Variants in GNB1 observed in about 807,000 individuals in gnomAD.
GNB1 encodes the protein guanine nucleotide-binding protein G(I)/G(S)/G(T) subunit beta-1.
GNB1 carries 2 observed loss-of-function variants against 42.9 expected under a neutral mutation model. The ratio of observed to expected loss-of-function variants is 0.05; its 90% CI spans 0.02 to 0.15. The LOEUF (loss-of-function observed/expected upper bound fraction) is 0.15, where lower values mean the gene tolerates loss of function less well. GNB1 is among the 10% of genes least tolerant of loss of function. GNB1 has a pLI of 1.00. For missense variants in GNB1, 193 were observed against 462.2 expected (o/e 0.42, Z 5.34); for synonymous variants, 183 against 174.7 (o/e 1.05, Z -0.38).
At chr1:1,812,316 T>C (rs948561208) in intron 5 of GNB1, among the ~76,000 whole-genome samples, 3 of 151,080 alleles carry the variant, frequency 2.0e-5, no homozygotes, top group Non-Finnish European at 4.4e-5. Flanking sequence ...CTGCACATTG[T>C]GCACATGTAC....
chr1:1,804,375 T>G, intron 7 of GNB1, 44 bp downstream of exon 7: 1 of 1,425,456 alleles, frequency 7.0e-7, no homozygotes, highest in Non-Finnish European at 9.9e-7. Flanking sequence ...GTACCCCAGG[T>G]AAACAGCTTG....
At position 1,786,131 on chromosome 1, in the gene GNB1, C is replaced by T. The variant is rs912745142; in HGVS notation, c.*932G>A. On this transcript the variant is annotated 3_prime_UTR_variant, in exon 12 of 12. Transcript: ENST00000378609. ...ACATTGATTTGTACATTGTTTCATA[C>T]ACAAATAATTGACTGACTATCCAAG... 5.0e-6 allele frequency: 2 copies of T among 398,592 alleles called. No individual in the cohort carries two copies. Among genetic ancestry groups the T allele is most frequent in the Non-Finnish European group, 8.8e-6 (2 of 226,022 alleles). 24.7% of individuals were successfully genotyped at this position (398,592 alleles called of 1,614,324 possible). A position where few individuals can be genotyped will look rare whatever the true frequency, so the allele number is the denominator to read the frequency against.
intron 1 of GNB1, among the ~76,000 whole-genome samples, chr1:1,888,584 T>TTA (rs1650288393): frequency 2.0e-5 from 3 of 152,174 alleles, no homozygotes; most frequent in Admixed American, 6.5e-5. Flanking sequence ...ACGCTCGTAA[T>TTA]CCCAGCACTT....
At chr1:1,872,183 T>C (rs1173890293) in intron 1 of GNB1, among the ~76,000 whole-genome samples, 1 of 151,994 alleles carries the variant, frequency 6.6e-6, no homozygotes, top group Non-Finnish European at 1.5e-5. Context: ...TTCTTTTAAG[T>C]AGAGACAGAG....
intron 7 of GNB1, among the ~76,000 whole-genome samples, chr1:1,800,755 A>T (rs1570634440): frequency 7.1e-6 from 1 of 140,242 alleles, no homozygotes; most frequent in African/African-American, 2.8e-5. Context: ...TAGATTGTTA[A>T]AAAAAAAAAA....
chr1:1,825,596 G>A (rs1646987272), intron 2 of GNB1, 97 bp from the exon 3 acceptor site: 1 of 721,230 alleles, frequency 1.4e-6, no homozygotes. Context: ...TGGGCGTGGT[G>A]GCTCAAGCCT....
intron 7 of GNB1, among the ~76,000 whole-genome samples, chr1:1,795,797 T>C (rs1382787315): frequency 6.6e-6 from 1 of 152,072 alleles, no homozygotes; most frequent in East Asian, 1.9e-4. Flanking sequence ...AGATGACCTC[T>C]CTGTCCCACC....
chr1:1,824,479 A>T (rs557647847), intron 3 of GNB1, among the ~76,000 whole-genome samples: 2 of 152,296 alleles, frequency 1.3e-5, no homozygotes, highest in African/African-American at 4.8e-5. Context: ...TTAACATCCT[A>T]CATCAGTCAC....
At chr1:1,797,176 T>C (rs2100596925) in intron 7 of GNB1, among the ~76,000 whole-genome samples, 1 of 152,218 alleles carries the variant, frequency 6.6e-6, no homozygotes. Flanking sequence ...AAACCATCCA[T>C]CTACAAGGAT....
chr1:1,831,967 T>A (rs1376084738), intron 2 of GNB1, among the ~76,000 whole-genome samples: 1 of 147,118 alleles, frequency 6.8e-6, no homozygotes, highest in Non-Finnish European at 1.5e-5. Flanking sequence ...GAGGCTGAAG[T>A]GGGAGAATCC....
intron 2 of GNB1, among the ~76,000 whole-genome samples, chr1:1,833,199 G>A (rs929675421): frequency 1.3e-5 from 2 of 152,064 alleles, no homozygotes; most frequent in Admixed American, 1.3e-4. Context: ...CTTACACCGG[G>A]GCAGGAAATT....
At chr1:1,859,207 A>T (rs1648471275) in intron 1 of GNB1, among the ~76,000 whole-genome samples, 1 of 152,100 alleles carries the variant, frequency 6.6e-6, no homozygotes, top group Middle Eastern at 3.4e-3. Flanking sequence ...TTATTAGTAG[A>T]GACAGGGTTT....
chr1:1,811,000 T>G (rs1254733480), intron 5 of GNB1, among the ~76,000 whole-genome samples: 1 of 151,512 alleles, frequency 6.6e-6, no homozygotes, highest in Non-Finnish European at 1.5e-5. Context: ...TTTGTTTTGT[T>G]TTTTGAGGCA....
At chr1:1,791,534 G>GAGCC (rs1289958393) in intron 8 of GNB1, among the ~76,000 whole-genome samples, 2 of 152,206 alleles carry the variant, frequency 1.3e-5, no homozygotes, top group Admixed American at 6.5e-5. Context: ...GACGCTGACA[G>GAGCC]AGCCCTGCAC....
intron 2 of GNB1, among the ~76,000 whole-genome samples, chr1:1,835,901 G>A (rs980926699): frequency 2.5e-5 from 3 of 118,086 alleles, no homozygotes; most frequent in African/African-American, 6.3e-5. Flanking sequence ...CTGAGACCCC[G>A]TCTTACAAGA....
intron 5 of GNB1, among the ~76,000 whole-genome samples, chr1:1,814,797 C>CAAAAAAAA (rs66588627): frequency 8.1e-4 from 63 of 77,362 alleles, no homozygotes; most frequent in African/African-American, 2.9e-3. Context: ...GACCCTGTCT[C>CAAAAAAAA]AAAAAAAAAA....
In GNB1 at chr1:1,787,284, G is replaced by T. The variant is rs775230107; in HGVS notation, c.*9+38C>A. The T allele has an allele frequency of 4.0e-6, 4 of 1,011,076 alleles. No homozygotes were observed. Among genetic ancestry groups the T allele is most frequent in the Non-Finnish European group, 6.3e-6 (4 of 636,942 alleles). 62.6% of individuals were successfully genotyped at this position (1,011,076 alleles called of 1,614,324 possible). A position where few individuals can be genotyped will look rare whatever the true frequency, so the allele number is the denominator to read the frequency against. ...AAATGTTCTATGAGAAACACGCACA[G>T]TTCTCCTCAGAGAAGGGCATTTGGG... On this transcript the variant is annotated intron_variant, in intron 11 of 11. Coordinates refer to ENST00000378609, the MANE Select transcript of GNB1 (RefSeq NM_002074.5). The surrounding 1 kb of genome is among the most constrained non-coding windows in gnomAD (Gnocchi z 4.4).
intron 7 of GNB1, among the ~76,000 whole-genome samples, chr1:1,794,552 A>G (rs531056255): frequency 2.8e-4 from 42 of 152,178 alleles, no homozygotes; most frequent in African/African-American, 9.4e-4. Context: ...CTTCCCCCCA[A>G]CTACACCCCA....
intron 1 of GNB1, among the ~76,000 whole-genome samples, chr1:1,878,164 T>C (rs983693867): frequency 9.2e-5 from 14 of 152,180 alleles, no homozygotes; most frequent in Admixed American, 5.9e-4. Context: ...CACGCAGTAA[T>C]AGCATAGTTC....
Sources: gnomAD v4.1 joint callset for allele counts (sites outside exome capture counted in the v4.1 genomes callset) on GRCh38, gnomAD v4.1.1 for gene constraint, Gnocchi (gnomAD v3.1) non-coding constraint, MANE v1.5 for transcripts, NCBI Gene and HGNC (gene_info 2026-07-23, HGNC 2026-07-21) for gene names.